Variants in ZNF10 observed in about 807,000 individuals in gnomAD.
ZNF10 encodes zinc finger protein 10 (KOX 1).
A neutral mutation model predicts 12.2 loss-of-function variants in ZNF10; 8 were observed. The observed-to-expected ratio is 0.66, with a 90% confidence interval of 0.39 to 1.18. The LOEUF (loss-of-function observed/expected upper bound fraction) is 1.18, where lower values mean the gene tolerates loss of function less well. Among genes scored for constraint, ZNF10 ranks in the 50% most tolerant of loss-of-function variants. The probability of loss-of-function intolerance (pLI) is 0.01; values close to 1 mark genes in which losing one functional copy is unlikely to be tolerated. For missense variants in ZNF10, 603 were observed against 678.9 expected, an observed-to-expected ratio of 0.89 and a Z score of 1.24; for synonymous variants, 229 against 228.2, an observed-to-expected ratio of 1.00 and a Z score of -0.03.
chr12:133,145,231 T>C (rs11147254), intron 2 of ZNF10, among the ~76,000 whole-genome samples: 91,539 of 152,016 alleles, frequency 0.6, 28,521 homozygotes, highest in African/African-American at 0.72. Context: ...ATTTTGAAAA[T>C]AATAAACAAC....
At chr12:133,135,257 AC>A (rs1163052516) in intron 1 of ZNF10, among the ~76,000 whole-genome samples, 1 of 151,936 alleles carries the variant, frequency 6.6e-6, no homozygotes, top group Non-Finnish European at 1.5e-5. Context: ...CATCCAGACT[AC>A]CTCTCATCTT....
At chr12:133,155,221 G>A (rs1018299341) in intron 4 of ZNF10, among the ~76,000 whole-genome samples, 4 of 152,044 alleles carry the variant, frequency 2.6e-5, no homozygotes, top group African/African-American at 7.2e-5. Context: ...TCCTTTTTAT[G>A]GAATTTCCCT....
chr12:133,141,143 A>G (rs1248275952), intron 1 of ZNF10, among the ~76,000 whole-genome samples: 1 of 152,198 alleles, frequency 6.6e-6, no homozygotes. Flanking sequence ...TGCTTCAGTA[A>G]TGGGGGATAA....
intron 4 of ZNF10, among the ~76,000 whole-genome samples, chr12:133,154,659 T>G (rs1236644201): frequency 6.6e-6 from 1 of 152,254 alleles, no homozygotes; most frequent in Admixed American, 6.5e-5. Flanking sequence ...CAGTTACTCT[T>G]CCACCTTGTC....
At chr12:133,142,174 G>A (rs1955948466) in intron 1 of ZNF10, among the ~76,000 whole-genome samples, 1 of 152,190 alleles carries the variant, frequency 6.6e-6, no homozygotes, top group Non-Finnish European at 1.5e-5. Context: ...TGTAATCCCA[G>A]CACTTTGGGA....
chr12:133,155,438 A>G, intron 4 of ZNF10, 65 bp from the exon 5 acceptor site: 1 of 1,487,204 alleles, frequency 6.7e-7, no homozygotes, highest in Non-Finnish European at 9.0e-7. Context: ...TTGTCTCCAC[A>G]TACATCCTAG....
chr12:133,156,221 A>C lies in ZNF10; in HGVS notation c.975A>C (p.Glu325Asp). The C allele has an allele frequency of 1.2e-6, 2 of 1,614,106 alleles. No homozygotes were observed. The highest frequency in any genetic ancestry group is 1.7e-6 in the Non-Finnish European group (2 of 1,180,020). Residue 325 changes from glutamate to aspartate, a missense_variant, in exon 5 of 5, where the codon GAA (glutamate) becomes GAC (aspartate). By Grantham distance (45) the Glu-to-Asp change is conservative (BLOSUM62 2). Coordinates refer to ENST00000248211, the MANE Select transcript of ZNF10 (RefSeq NM_015394.5). Reference protein sequence around the residue: ...HTGEEPYECKECGKSFSWFSH... With the variant: ...HTGEEPYECKDCGKSFSWFSH... Reference sequence around the variant, plus strand: ...GTGAGGAACCCTATGAATGTAAAGAATGTGGAAAATCCTTCAGCTGGTTCT... The same window carrying C: ...GTGAGGAACCCTATGAATGTAAAGACTGTGGAAAATCCTTCAGCTGGTTCT...
rs1046974443 is a variant in ZNF10 at position 133,157,158 on chromosome 12, T to A, written c.*190T>A. The A allele has an allele frequency of 4.3e-6, 2 of 469,050 alleles. No homozygotes were observed. Among genetic ancestry groups the A allele is most frequent in the Admixed American group, 8.8e-5 (2 of 22,652 alleles). The allele number at this position is 469,050 out of a possible 1,614,324, so 29.1% of individuals were successfully genotyped here. A position where few individuals can be genotyped will look rare whatever the true frequency, so the allele number is the denominator to read the frequency against. ...TATTTCAGTACACAAATCCATCAGA[T>A]TTTCTTCTTTTCATGAATTCCTACA... On this transcript the variant is annotated 3_prime_UTR_variant, in exon 5 of 5. Transcript: ENST00000248211.
At chr12:133,135,816 G>T (rs1043485032) in intron 1 of ZNF10, among the ~76,000 whole-genome samples, 3 of 152,202 alleles carry the variant, frequency 2.0e-5, no homozygotes, top group Non-Finnish European at 4.4e-5. Flanking sequence ...AGAAATCCCA[G>T]CCCAGAACAC....
At chr12:133,149,352 C>CT (rs144304054) in intron 2 of ZNF10, among the ~76,000 whole-genome samples, 23,035 of 85,730 alleles carry the variant, frequency 0.27, 4,368 homozygotes, top group Non-Finnish European at 0.3. Context: ...TTTGCTATTG[C>CT]TTTTTTTTTT....
chr12:133,156,488 C>A lies in ZNF10; in HGVS notation c.1242C>A (p.Tyr414Ter). Residue 414 changes from tyrosine to a stop codon, truncating the protein, a stop_gained, in exon 5 of 5, where the codon TAC becomes TAA. Transcript: ENST00000248211. LOFTEE classifies it low-confidence loss of function (END_TRUNC). Reference sequence around the variant, plus strand: ...AATGCAATGAATGTGGAAAGTCTTACAGCCAGAGATCTCACCTTGTTGTGC... The same window carrying A: ...AATGCAATGAATGTGGAAAGTCTTAAAGCCAGAGATCTCACCTTGTTGTGC... ...PYECNECGKS[Y>*]SQRSHLVVHH... 6.2e-7 allele frequency: 1 copy of A among 1,614,004 alleles called. No individual in the cohort carries two copies.
Position 133,156,571 on chromosome 12 carries a change from T to G in ZNF10, c.1325T>G (p.Phe442Cys). 2 of 1,613,690 alleles carry G rather than the reference T, an allele frequency of 1.2e-6. No homozygotes were observed. The highest frequency in any genetic ancestry group is 1.7e-6 in the Non-Finnish European group (2 of 1,179,828). ...PFECKDCGKCFSRSSHLYSHQ... is the reference protein window; with the variant it reads ...PFECKDCGKCCSRSSHLYSHQ... ...GAGTGTAAGGATTGTGGAAAATGTT[T>G]TAGTCGAAGCTCTCACCTTTATTCA... The change falls in exon 5 of 5, where the codon TTT becomes TGT. Residue 442 changes from phenylalanine to cysteine, a missense_variant. By Grantham distance (205) the Phe-to-Cys change is radical. This residue lies in a region of ZNF10 where 204 missense variants were observed against 262.8 expected (regional missense o/e 0.78). Coordinates refer to ENST00000248211, the MANE Select transcript of ZNF10 (RefSeq NM_015394.5).
chr12:133,155,902 TC>T lies in ZNF10; in HGVS notation c.657del (p.Cys220ValfsTer181). On this transcript the variant is annotated frameshift_variant, in exon 5 of 5. Transcript: ENST00000248211. LOFTEE classifies it low-confidence loss of function (END_TRUNC). ...AACAGTAATGAATGTGGTCAAACTT[TC>T]TGTCAAAACATTCACCTTATTCAGT... ...ASNSNECGQT[F>X]CQNIHLIQFA... 1 of 1,613,922 alleles carries T rather than the reference TC, an allele frequency of 6.2e-7. No individual in the cohort carries two copies. Among genetic ancestry groups the T allele is most frequent in the South Asian group, 1.1e-5 (1 of 91,040 alleles).
At chr12:133,148,477 C>CA (rs1412347498) in intron 2 of ZNF10, among the ~76,000 whole-genome samples, 1 of 152,128 alleles carries the variant, frequency 6.6e-6, no homozygotes, top group African/African-American at 2.4e-5. Context: ...CTCAAAATGA[C>CA]AAATATTTTC....
chr12:133,148,381 A>C (rs868333020), intron 2 of ZNF10, among the ~76,000 whole-genome samples: 12 of 152,192 alleles, frequency 7.9e-5, no homozygotes, highest in South Asian at 6.2e-4. Flanking sequence ...TTGGCCTCCC[A>C]GAGTGCTGGG....
intron 1 of ZNF10, chr12:133,144,223 T>G (rs1343502694): frequency 3.2e-6 from 1 of 312,236 alleles, no homozygotes; most frequent in Non-Finnish European, 5.9e-6. Context: ...CTCCAGAGAT[T>G]AAGGGGGTAA....
rs988390633 is a variant in ZNF10 at position 133,130,718 on chromosome 12, G to T, written c.-96G>T. ...TTGCTGCTGCCTTTGTGACGGGATC[G>T]CTTTCTCCCATCGAACCTTCTAGTT... is the stretch of plus-strand genomic sequence containing the variant. On this transcript the variant is annotated 5_prime_UTR_variant, in exon 1 of 5. Transcript: ENST00000248211. The T allele has an allele frequency of 1.3e-5, 2 of 152,500 alleles. No individual in the cohort carries two copies. The highest frequency in any genetic ancestry group is 4.8e-5 in the African/African-American group (2 of 41,452). The allele number at this position is 152,500 out of a possible 1,614,324, so 9.4% of individuals were successfully genotyped here.
chr12:133,131,850 G>T (rs1020154629), intron 1 of ZNF10, among the ~76,000 whole-genome samples: 4 of 152,120 alleles, frequency 2.6e-5, no homozygotes, highest in Non-Finnish European at 4.4e-5. Context: ...GAGAATTTCT[G>T]CTTATCAGTA....
chr12:133,134,477 G>A (rs1955899833), intron 1 of ZNF10, among the ~76,000 whole-genome samples: 1 of 152,190 alleles, frequency 6.6e-6, no homozygotes, highest in East Asian at 1.9e-4. Flanking sequence ...CAAGGAAATA[G>A]ATTCTTCTCT....
Sources: allele counts gnomAD v4.1 joint callset (sites outside exome capture counted in the v4.1 genomes callset), GRCh38; gene constraint gnomAD v4.1.1; regional missense constraint gnomAD v4.1.1; transcripts MANE v1.5; gene names NCBI Gene and HGNC (gene_info 2026-07-23, HGNC 2026-07-21).